Variants in FGFR1 observed in about 807,000 individuals in gnomAD.
The protein encoded by FGFR1 is fibroblast growth factor receptor 1.
A neutral mutation model predicts 93.7 loss-of-function variants in FGFR1; 18 were observed. The observed-to-expected ratio is 0.19, with a 90% confidence interval of 0.13 to 0.28. The LOEUF is 0.28. Ranked by LOEUF, FGFR1 falls within the 10% of genes least tolerant of loss-of-function variation. The pLI, the probability that FGFR1 is intolerant of heterozygous loss-of-function variation, is 1.00. For missense variants in FGFR1, 731 were observed against 1,080.4 expected, an observed-to-expected ratio of 0.68 and a Z score of 4.53; for synonymous variants, 448 against 429.3, an observed-to-expected ratio of 1.04 and a Z score of -0.54.
chr8:38,442,609 T>TA (rs1353907106), intron 2 of FGFR1, among the ~76,000 whole-genome samples: 1 of 151,940 alleles, frequency 6.6e-6, no homozygotes, highest in Non-Finnish European at 1.5e-5. Flanking sequence ...GCTCTGACCT[T>TA]AAAGTTCGGT....
In FGFR1 at chr8:38,429,556, G is replaced by T; in HGVS notation, c.358+126C>A. On this transcript the variant is annotated intron_variant, in intron 3 of 17. Transcript: ENST00000447712. The surrounding 1 kb of genome is among the most constrained non-coding windows in gnomAD (Gnocchi z 4.4). ...AGGCAGGGAGCAATGTTAGTGGGCAGCAGTTTCTGAAGCAGAGTGGGGGCA... is the reference window on the plus strand; with the variant it reads ...AGGCAGGGAGCAATGTTAGTGGGCATCAGTTTCTGAAGCAGAGTGGGGGCA... 2.8e-6 allele frequency: 3 copies of T among 1,075,128 alleles called. No individual in the cohort carries two copies. The highest frequency in any genetic ancestry group is 4.1e-6 in the Non-Finnish European group (3 of 735,176). 66.6% of individuals were successfully genotyped at this position (1,075,128 alleles called of 1,614,324 possible).
chr8:38,448,341 G>A (rs982091319), intron 2 of FGFR1, among the ~76,000 whole-genome samples: 2 of 149,044 alleles, frequency 1.3e-5, no homozygotes, highest in East Asian at 3.9e-4. Flanking sequence ...GTGAAGTGGT[G>A]CGATCTCGGC....
Position 38,413,409 on chromosome 8 carries a change from G to T in FGFR1, c.*219C>A. 1.7e-6 allele frequency: 1 copy of T among 579,908 alleles called. No homozygotes were observed. The highest frequency in any genetic ancestry group is 3.1e-6 in the Non-Finnish European group (1 of 327,582). The allele number at this position is 579,908 out of a possible 1,614,324, so 35.9% of individuals were successfully genotyped here. On this transcript the variant is annotated 3_prime_UTR_variant, in exon 18 of 18. Transcript: ENST00000447712. The surrounding 1 kb of genome is among the most constrained non-coding windows in gnomAD (Gnocchi z 4.2). ...AGGGGATGAAGTGGCTGGCAGCAAAGATCTGCCTCTTTGCACCTCTCACCA... is the reference window on the plus strand; with the variant it reads ...AGGGGATGAAGTGGCTGGCAGCAAATATCTGCCTCTTTGCACCTCTCACCA...
intron 2 of FGFR1, among the ~76,000 whole-genome samples, chr8:38,452,832 C>T (rs1361777225): frequency 6.6e-6 from 1 of 152,134 alleles, no homozygotes; most frequent in Non-Finnish European, 1.5e-5. Context: ...AAAAAACTAG[C>T]TGGGCGTGGT....
intron 1 of FGFR1, among the ~76,000 whole-genome samples, chr8:38,464,723 T>C (rs1835142533): frequency 6.6e-6 from 1 of 152,104 alleles, no homozygotes; most frequent in South Asian, 2.1e-4. Context: ...CAGGAGGAAA[T>C]TAAACTATCA....
At chr8:38,422,905 TG>T in intron 7 of FGFR1, 1 of 639,278 alleles carries the variant, frequency 1.6e-6, no homozygotes. Context: ...TCCATGGCTC[TG>T]GGCACTAGAA....
At chr8:38,456,148 C>G (rs1018637007) in intron 2 of FGFR1, among the ~76,000 whole-genome samples, 1 of 152,200 alleles carries the variant, frequency 6.6e-6, no homozygotes, top group African/African-American at 2.4e-5. Flanking sequence ...TGAGTGGCAG[C>G]CTTTTGCACA....
chr8:38,460,013 C>T (rs1345412013), intron 1 of FGFR1, among the ~76,000 whole-genome samples: 3 of 152,024 alleles, frequency 2.0e-5, no homozygotes, highest in African/African-American at 4.8e-5. Context: ...TGAAATTCCT[C>T]GTCTACTAAA....
chr8:38,456,415 C>A (rs550929814), intron 2 of FGFR1, among the ~76,000 whole-genome samples: 135 of 152,268 alleles, frequency 8.9e-4, no homozygotes, highest in Middle Eastern at 6.8e-3. Context: ...ATTTCCAACA[C>A]GCCATAGGTC....
intron 4 of FGFR1, 96 bp from the exon 5 acceptor site, chr8:38,428,189 C>A (rs2150923881): frequency 6.5e-7 from 1 of 1,549,410 alleles, no homozygotes. Context: ...AGGTGTCTTG[C>A]CCATCTGCCC....
intron 13 of FGFR1, 119 bp from the exon 14 acceptor site, chr8:38,415,020 GC>G: frequency 5.2e-6 from 4 of 766,796 alleles, no homozygotes; most frequent in East Asian, 2.6e-5. Context: ...ACACTGCTCT[GC>G]CCCCCGAACC....
In FGFR1 at chr8:38,425,935, A is replaced by G. The variant is rs893963777; in HGVS notation, c.745+187T>C. The G allele has an allele frequency of 6.9e-6, 5 of 729,616 alleles. No homozygotes were observed. The African/African-American group carries it at 8.6e-5, about 13-fold the overall frequency. 45.2% of individuals were successfully genotyped at this position (729,616 alleles called of 1,614,324 possible). A position where few individuals can be genotyped will look rare whatever the true frequency, so the allele number is the denominator to read the frequency against. ...TTTGACCGTGTTACTGTCTGATCTTAACTCTATTTTACAGATAAGAAAAGT... is the reference window on the plus strand; with the variant it reads ...TTTGACCGTGTTACTGTCTGATCTTGACTCTATTTTACAGATAAGAAAAGT... On this transcript the variant is annotated intron_variant, in intron 6 of 17. Transcript: ENST00000447712.
At chr8:38,462,761 G>A (rs1834694124) in intron 1 of FGFR1, among the ~76,000 whole-genome samples, 1 of 151,788 alleles carries the variant, frequency 6.6e-6, no homozygotes, top group Non-Finnish European at 1.5e-5. Context: ...GAGCCACCAA[G>A]CCCGGCTAAT....
chr8:38,457,633 A>C (rs1197031819), intron 1 of FGFR1, 99 bp from the exon 2 acceptor site: 1 of 1,236,882 alleles, frequency 8.1e-7, no homozygotes, highest in Non-Finnish European at 1.1e-6. Context: ...GGCTGCTTAA[A>C]GTGTGGACTT....
Position 38,412,423 on chromosome 8 carries a change from C to T in FGFR1, c.*1205G>A, listed in dbSNP as rs1349933443. The T allele has an allele frequency of 1.3e-5, 3 of 232,888 alleles. No homozygotes were observed. The highest frequency in any genetic ancestry group is 6.0e-5 in the East Asian group (1 of 16,572). 14.4% of individuals were successfully genotyped at this position (232,888 alleles called of 1,614,324 possible). A position where few individuals can be genotyped will look rare whatever the true frequency, so the allele number is the denominator to read the frequency against. On this transcript the variant is annotated 3_prime_UTR_variant, in exon 18 of 18. Coordinates refer to ENST00000447712, the MANE Select transcript of FGFR1 (RefSeq NM_023110.3). ...TGCCCCCTCCCCAGCCCAACCCCAC[C>T]GGTTTCCTTGGAGGAAACCATCCAT...
At position 38,414,824 on chromosome 8, in the gene FGFR1, G is replaced by A. The variant is rs756586457; in HGVS notation, c.1932C>T (p.Leu644=). The change falls in exon 14 of 18, where the codon CTC becomes CTT. Residue 644 remains leucine, a synonymous_variant. Coordinates refer to ENST00000447712, the MANE Select transcript of FGFR1 (RefSeq NM_023110.3). ...DNVMKIADFG[L]ARDIHHIDYY... ...AGTCGATGTGGTGAATGTCCCGTGC[G>A]AGGCCAAAGTCTGCTATCTTCATCA... 39 of 1,613,890 alleles carry A rather than the reference G, an allele frequency of 2.4e-5. No individual in the cohort carries two copies. Among genetic ancestry groups the A allele is most frequent in the East Asian group, 6.7e-5 (3 of 44,854 alleles).
intron 1 of FGFR1, among the ~76,000 whole-genome samples, chr8:38,458,267 G>C (rs1196842902): frequency 6.6e-6 from 1 of 152,068 alleles, no homozygotes; most frequent in African/African-American, 2.4e-5. Context: ...CAGGCCAGGT[G>C]CGGTGGCTCA....
intron 7 of FGFR1, chr8:38,422,390 A>G (rs1405861121): frequency 7.8e-6 from 3 of 385,168 alleles, no homozygotes; most frequent in African/African-American, 2.0e-5. Context: ...CGAGTATGCA[A>G]GGGAATGCCT....
chr8:38,461,125 C>T (rs2151426659), intron 1 of FGFR1: 1 of 1,536,094 alleles, frequency 6.5e-7, no homozygotes, highest in East Asian at 2.4e-5. Context: ...GTTATGAAGA[C>T]TGAATGGGCT....
Sources: gnomAD v4.1 joint callset for allele counts (sites outside exome capture counted in the v4.1 genomes callset) on GRCh38, gnomAD v4.1.1 for gene constraint, Gnocchi (gnomAD v3.1) non-coding constraint, MANE v1.5 for transcripts, NCBI Gene and HGNC (gene_info 2026-07-23, HGNC 2026-07-21) for gene names.